Variants in FSTL5 observed in about 807,000 individuals in gnomAD.
The protein encoded by FSTL5 is follistatin-related protein 5.
In FSTL5, 62 loss-of-function variants were observed where a neutral mutation model predicts 89.1. The observed-to-expected ratio is 0.70, with a 90% CI of 0.57 to 0.86. FSTL5 has a LOEUF of 0.86. Among genes scored for constraint, FSTL5 ranks in the 40% least tolerant of loss-of-function variants. FSTL5 has a pLI of 0.00. For missense variants in FSTL5, 1,057 were observed against 1,001.6 expected, an observed-to-expected ratio of 1.06 and a Z score of -0.75; for synonymous variants, 383 against 346.2, an observed-to-expected ratio of 1.11 and a Z score of -1.18.
At chr4:161,825,103 G>A (rs755651541) in intron 4 of FSTL5, among the ~76,000 whole-genome samples, 2 of 152,040 alleles carry the variant, frequency 1.3e-5, no homozygotes, top group South Asian at 4.1e-4. Context: ...AATCATAAAG[G>A]GATGCTGGAT....
intron 3 of FSTL5, among the ~76,000 whole-genome samples, chr4:161,966,874 G>A (rs1735341345): frequency 6.6e-6 from 1 of 151,526 alleles, no homozygotes; most frequent in Non-Finnish European, 1.5e-5. Flanking sequence ...ATTCTACTTG[G>A]GTATATCTAT....
chr4:162,020,409 A>T (rs17459581), intron 3 of FSTL5, among the ~76,000 whole-genome samples: 9,142 of 152,178 alleles, frequency 0.06, 366 homozygotes, highest in Non-Finnish European at 0.093. Flanking sequence ...CTTCGTTCAC[A>T]TATTAAGGCA....
chr4:161,412,563 T>G (rs1358306837), intron 15 of FSTL5, among the ~76,000 whole-genome samples: 1 of 152,086 alleles, frequency 6.6e-6, no homozygotes, highest in Non-Finnish European at 1.5e-5. Context: ...GATGAGTTAA[T>G]GGGTGCAGCA....
intron 4 of FSTL5, among the ~76,000 whole-genome samples, chr4:161,821,283 C>T (rs199769821): frequency 1.3e-5 from 2 of 152,222 alleles, no homozygotes; most frequent in East Asian, 3.9e-4. Flanking sequence ...AGCAATCTGC[C>T]TGTCTCAACC....
At chr4:161,686,696 G>A (rs1333284939) in intron 6 of FSTL5, among the ~76,000 whole-genome samples, 1 of 151,828 alleles carries the variant, frequency 6.6e-6, no homozygotes, top group African/African-American at 2.4e-5. Context: ...ACCTTCTGTA[G>A]ATGCAAAATA....
chr4:161,858,957 T>C (rs1212419624), intron 4 of FSTL5, among the ~76,000 whole-genome samples: 2 of 152,218 alleles, frequency 1.3e-5, no homozygotes, highest in African/African-American at 2.4e-5. Flanking sequence ...TCTTAATCAG[T>C]GGCTTTGCAA....
chr4:161,634,216 A>G (rs1735608146), intron 7 of FSTL5, among the ~76,000 whole-genome samples: 1 of 152,218 alleles, frequency 6.6e-6, no homozygotes, highest in Non-Finnish European at 1.5e-5. Flanking sequence ...TAAAATTTGC[A>G]GGTGAACAGG....
chr4:161,562,424 C>G (rs1560954731), intron 8 of FSTL5, among the ~76,000 whole-genome samples: 1 of 151,856 alleles, frequency 6.6e-6, no homozygotes, highest in Non-Finnish European at 1.5e-5. Flanking sequence ...GTATTGCCAT[C>G]TTAATAAAAT....
chr4:161,899,880 G>C (rs1733295295), intron 4 of FSTL5, among the ~76,000 whole-genome samples: 1 of 152,150 alleles, frequency 6.6e-6, no homozygotes, highest in African/African-American at 2.4e-5. Flanking sequence ...GGAAAACTGA[G>C]GGTGTAGAGT....
At chr4:162,108,192 G>T (rs1253263744) in intron 2 of FSTL5, among the ~76,000 whole-genome samples, 1 of 152,126 alleles carries the variant, frequency 6.6e-6, no homozygotes, top group East Asian at 1.9e-4. Flanking sequence ...TCTACAATTA[G>T]CATGATAGAT....
intron 2 of FSTL5, among the ~76,000 whole-genome samples, chr4:162,038,018 G>A (rs928362190): frequency 3.3e-5 from 5 of 151,888 alleles, no homozygotes; most frequent in African/African-American, 1.2e-4. Context: ...ACTCACGAGT[G>A]ACCAGAAACT....
intron 4 of FSTL5, among the ~76,000 whole-genome samples, chr4:161,894,599 C>G (rs1333088936): frequency 6.6e-6 from 1 of 152,140 alleles, no homozygotes; most frequent in Non-Finnish European, 1.5e-5. Flanking sequence ...CTGCTTCAGC[C>G]TCTCCTGTAG....
At chr4:161,903,504 T>C (rs1334563001) in intron 4 of FSTL5, among the ~76,000 whole-genome samples, 3 of 151,952 alleles carry the variant, frequency 2.0e-5, no homozygotes, top group Admixed American at 1.3e-4. Context: ...AATATCATTA[T>C]TATAATTATA....
chr4:161,475,874 C>T (rs148907885), intron 13 of FSTL5, among the ~76,000 whole-genome samples: 253 of 151,928 alleles, frequency 1.7e-3, no homozygotes, highest in Non-Finnish European at 3.1e-3. Flanking sequence ...CTCAGCCTCC[C>T]GAGTAGATGA....
chr4:162,026,022 T>C (rs763304163), intron 3 of FSTL5, among the ~76,000 whole-genome samples: 1 of 151,614 alleles, frequency 6.6e-6, no homozygotes, highest in African/African-American at 2.4e-5. Flanking sequence ...CCAAATTTCA[T>C]GTTTATAGTG....
At chr4:161,521,582 C>T (rs1731025110) in intron 10 of FSTL5, among the ~76,000 whole-genome samples, 1 of 152,022 alleles carries the variant, frequency 6.6e-6, no homozygotes, top group South Asian at 2.1e-4. Flanking sequence ...GGCGCGGTGG[C>T]TCATGCCTCT....
intron 7 of FSTL5, among the ~76,000 whole-genome samples, chr4:161,598,768 A>G (rs542784960): frequency 6.6e-6 from 1 of 152,278 alleles, no homozygotes; most frequent in African/African-American, 2.4e-5. Flanking sequence ...AAGCAACTAG[A>G]TAAGTTTAGA....
At chr4:161,445,715 G>C (rs1189770886) in intron 15 of FSTL5, among the ~76,000 whole-genome samples, 1 of 151,940 alleles carries the variant, frequency 6.6e-6, no homozygotes, top group Non-Finnish European at 1.5e-5. Context: ...ATATAATACA[G>C]TTTCTCCACA....
chr4:161,788,244 C>A (rs1741982047), intron 4 of FSTL5, among the ~76,000 whole-genome samples: 1 of 152,104 alleles, frequency 6.6e-6, no homozygotes, highest in Non-Finnish European at 1.5e-5. Context: ...AAAAACATGT[C>A]ATTTCTTTAT....
Sources: gnomAD v4.1 joint callset for allele counts (sites outside exome capture counted in the v4.1 genomes callset) on GRCh38, gnomAD v4.1.1 for gene constraint, MANE v1.5 for transcripts, NCBI Gene and HGNC (gene_info 2026-07-23, HGNC 2026-07-21) for gene names.